Variants in SPAG6 observed in about 807,000 individuals in gnomAD.
The protein encoded by SPAG6 is sperm associated antigen 6.
SPAG6 carries 49 observed loss-of-function variants against 58.5 expected under a neutral mutation model. The ratio of observed to expected loss-of-function variants is 0.84; its 90% CI spans 0.67 to 1.06. The LOEUF is 1.06. Among genes scored for constraint, SPAG6 ranks in the 50% least tolerant of loss-of-function variants. The pLI is 0.00. For synonymous variants in SPAG6, 233 were observed against 225.6 expected (o/e 1.03, Z -0.29); for missense variants, 560 against 611.3 (o/e 0.92, Z 0.89).
At chr10:22,408,931 A>C (rs376170221) in intron 9 of SPAG6, among the ~76,000 whole-genome samples, 1 of 152,148 alleles carries the variant, frequency 6.6e-6, no homozygotes, top group Admixed American at 6.5e-5. Flanking sequence ...TTCTTTGACT[A>C]GGAAAGGGAA....
chr10:22,387,715 C>A, intron 5 of SPAG6, 108 bp from the exon 6 acceptor site: 1 of 1,117,668 alleles, frequency 8.9e-7, no homozygotes. Flanking sequence ...CATTTTTTTC[C>A]TTTTATAAAG....
chr10:22,402,592 G>T (rs1834442331), intron 9 of SPAG6, among the ~76,000 whole-genome samples: 1 of 152,144 alleles, frequency 6.6e-6, no homozygotes, highest in South Asian at 2.1e-4. Context: ...ACTCACCCAG[G>T]CAGGATACAG....
In SPAG6 at chr10:22,345,527, T is replaced by G; in HGVS notation, c.-85T>G. ...GCGGCTCCCGTCGGAGGCCGAGTCG[T>G]CGCCACGATCGCCCCCTTGGTGGAC... On this transcript the variant is annotated 5_prime_UTR_variant, in exon 1 of 11. Coordinates refer to ENST00000376624, the MANE Select transcript of SPAG6 (RefSeq NM_012443.4). This position sits in a 1 kb window ranked among gnomAD's most constrained non-coding sequence, Gnocchi z 6.3. 8.2e-7 allele frequency: 1 copy of G among 1,213,030 alleles called. No homozygotes were observed. Among genetic ancestry groups the G allele is most frequent in the East Asian group, 2.7e-5 (1 of 37,160 alleles). The allele number at this position is 1,213,030 out of a possible 1,614,324, so 75.1% of individuals were successfully genotyped here.
intron 9 of SPAG6, among the ~76,000 whole-genome samples, chr10:22,405,566 A>G (rs1167929971): frequency 6.7e-6 from 1 of 149,312 alleles, no homozygotes; most frequent in African/African-American, 2.5e-5. Flanking sequence ...TTTTTGCATC[A>G]ATGTTCATCA....
At chr10:22,406,312 C>T (rs1295391316) in intron 9 of SPAG6, among the ~76,000 whole-genome samples, 29 of 151,986 alleles carry the variant, frequency 1.9e-4, no homozygotes, top group African/African-American at 3.9e-4. Context: ...GCTTTGAATG[C>T]GTCCCAGAGA....
At chr10:22,378,142 C>G (rs1173589542) in intron 4 of SPAG6, among the ~76,000 whole-genome samples, 1 of 148,840 alleles carries the variant, frequency 6.7e-6, no homozygotes, top group Non-Finnish European at 1.5e-5. Flanking sequence ...CAGCTCTCTG[C>G]AACCTCCGCC....
Position 22,365,643 on chromosome 10 carries a change from T to C in SPAG6, c.288+624T>C, listed in dbSNP as rs556730224. On this transcript the variant is annotated intron_variant, in intron 3 of 10. Transcript: ENST00000376624. ...TGTAGGTAGGTTTTGGACTGTTCAT[T>C]CTATTCTGTTAGTTTATCATAACCT... Among the ~76,000 whole-genome samples the C allele has an allele frequency of 3.0e-4, 45 of 152,318 alleles. No individual in the cohort carries two copies. The South Asian group carries it at 7.7e-3, about 26-fold the overall frequency.
At chr10:22,416,036 A>G (rs1190192613) in intron 10 of SPAG6, among the ~76,000 whole-genome samples, 1 of 152,154 alleles carries the variant, frequency 6.6e-6, no homozygotes, top group African/African-American at 2.4e-5. Context: ...AGTAAAAATG[A>G]TTAATTTCCT....
chr10:22,367,804 T>C (rs1232416477), intron 3 of SPAG6, among the ~76,000 whole-genome samples: 1 of 152,144 alleles, frequency 6.6e-6, no homozygotes, highest in East Asian at 1.9e-4. Context: ...AATATAAATA[T>C]GAAGCAGTAT....
At chr10:22,375,362 C>T (rs887650907) in intron 4 of SPAG6, among the ~76,000 whole-genome samples, 16 of 152,174 alleles carry the variant, frequency 1.1e-4, no homozygotes, top group African/African-American at 3.9e-4. Context: ...AGTTGGTTAG[C>T]ATAAGAATTG....
chr10:22,382,184 G>A (rs1479578141), intron 4 of SPAG6, among the ~76,000 whole-genome samples: 1 of 152,164 alleles, frequency 6.6e-6, no homozygotes, highest in Admixed American at 6.5e-5. Context: ...AGTGTGAAAA[G>A]ATTACGCTTC....
intron 4 of SPAG6, among the ~76,000 whole-genome samples, chr10:22,376,998 G>A (rs916194215): frequency 7.2e-5 from 11 of 151,830 alleles, no homozygotes; most frequent in Non-Finnish European, 1.0e-4. Context: ...AGGAGTTTCC[G>A]GCTGCAGTAA....
At chr10:22,346,503 C>CTTCT (rs1836558386) in intron 2 of SPAG6, among the ~76,000 whole-genome samples, 1 of 136,458 alleles carries the variant, frequency 7.3e-6, no homozygotes, top group East Asian at 2.1e-4. Flanking sequence ...CTTCTTTCTT[C>CTTCT]TTCTTCTTCC....
Position 22,387,961 on chromosome 10 carries a change from A to G in SPAG6, c.817A>G (p.Thr273Ala). 6.2e-7 allele frequency: 1 copy of G among 1,612,356 alleles called. No individual in the cohort carries two copies. Among genetic ancestry groups the G allele is most frequent in the Non-Finnish European group, 8.5e-7 (1 of 1,179,298 alleles). ...KDEYVKKNAS[T>A]LIREIAKHTP... Reference sequence around the variant, plus strand: ...TGAATACGTGAAGAAAAATGCTTCTACTTTAATTAGAGAGATTGCAAAACA... The same window carrying G: ...TGAATACGTGAAGAAAAATGCTTCTGCTTTAATTAGAGAGATTGCAAAACA... Residue 273 changes from threonine to alanine, a missense_variant, in exon 6 of 11, where the codon ACT becomes GCT. Transcript: ENST00000376624.
intron 2 of SPAG6, among the ~76,000 whole-genome samples, chr10:22,348,958 G>A (rs1836643062): frequency 6.6e-6 from 1 of 152,046 alleles, no homozygotes; most frequent in Admixed American, 6.5e-5. Context: ...TCAGCCTCCT[G>A]AGTAGCTGGG....
intron 10 of SPAG6, 27 bp downstream of exon 10, chr10:22,411,203 C>G: frequency 6.3e-7 from 1 of 1,581,946 alleles, no homozygotes. Context: ...TTGAAACGTT[C>G]AATATTAGAA....
chr10:22,370,674 A>G (rs1164330884), intron 4 of SPAG6, among the ~76,000 whole-genome samples: 2 of 152,266 alleles, frequency 1.3e-5, no homozygotes, highest in Non-Finnish European at 2.9e-5. Flanking sequence ...AACTCTTGTC[A>G]TGCTTAGAAT....
intron 9 of SPAG6, among the ~76,000 whole-genome samples, chr10:22,406,566 T>C (rs940463381): frequency 1.3e-5 from 2 of 152,220 alleles, no homozygotes; most frequent in Non-Finnish European, 2.9e-5. Context: ...AAGTATGTGA[T>C]CAATTTTGGA....
chr10:22,371,254 C>T lies in SPAG6; in HGVS notation c.472+2576C>T, dbSNP rs1833684456. Among the ~76,000 whole-genome samples the T allele has an allele frequency of 2.0e-5, 3 of 152,154 alleles. No individual in the cohort carries two copies. The South Asian group carries it at 6.2e-4, about 32-fold the overall frequency. ...AAATGGAGGATTTACCTCCAAATAA[C>T]CTGATTTCTTTTTTTTTGAGATGGA... On this transcript the variant is annotated intron_variant, in intron 4 of 10. Coordinates refer to ENST00000376624, the MANE Select transcript of SPAG6 (RefSeq NM_012443.4).
Sources: gnomAD v4.1 joint callset for allele counts (sites outside exome capture counted in the v4.1 genomes callset) on GRCh38, gnomAD v4.1.1 for gene constraint, Gnocchi (gnomAD v3.1) non-coding constraint, MANE v1.5 for transcripts, NCBI Gene and HGNC (gene_info 2026-07-23, HGNC 2026-07-21) for gene names.